LMX1A: variants seen among roughly 807,000 people sequenced by gnomAD.
LMX1A encodes LIM homeobox transcription factor 1 alpha, also known as LIM homeobox transcription factor 1-alpha.
A neutral mutation model predicts 49.1 loss-of-function variants in LMX1A; 15 were observed. The observed-to-expected ratio is 0.31, with a 90% confidence interval of 0.20 to 0.47. The LOEUF is 0.47. Ranked by LOEUF, LMX1A falls within the 20% of genes least tolerant of loss-of-function variation. The pLI, the probability that LMX1A is intolerant of heterozygous loss-of-function variation, is 1.00. For missense variants in LMX1A, 372 were observed against 475.8 expected, an observed-to-expected ratio of 0.78 and a Z score of 2.03; for synonymous variants, 167 against 185.7, an observed-to-expected ratio of 0.90 and a Z score of 0.82.
chr1:165,309,666 C>T (rs1414112173), intron 3 of LMX1A, among the ~76,000 whole-genome samples: 3 of 152,176 alleles, frequency 2.0e-5, no homozygotes, highest in African/African-American at 7.2e-5. Flanking sequence ...AAAAGCAATG[C>T]AAAAACCACT....
intron 4 of LMX1A, among the ~76,000 whole-genome samples, chr1:165,238,508 A>G (rs1652530655): frequency 6.6e-6 from 1 of 152,248 alleles, no homozygotes; most frequent in Non-Finnish European, 1.5e-5. Context: ...ATTGCCTTAG[A>G]AGAGGTACCC....
At chr1:165,324,876 T>G (rs1655522197) in intron 3 of LMX1A, among the ~76,000 whole-genome samples, 1 of 152,232 alleles carries the variant, frequency 6.6e-6, no homozygotes, top group South Asian at 2.1e-4. Flanking sequence ...TTAAGCCAGC[T>G]TTCTTCTTTG....
At chr1:165,333,010 A>AT in intron 3 of LMX1A, among the ~76,000 whole-genome samples, 1 of 152,300 alleles carries the variant, frequency 6.6e-6, no homozygotes, top group South Asian at 2.1e-4. Flanking sequence ...TTTAGAAACC[A>AT]TGCGGCATTG....
chr1:165,267,247 A>C (rs987606647), intron 3 of LMX1A, among the ~76,000 whole-genome samples: 8 of 152,200 alleles, frequency 5.3e-5, no homozygotes, highest in Admixed American at 5.2e-4. Flanking sequence ...ACATATAATC[A>C]TATAATATGT....
intron 3 of LMX1A, among the ~76,000 whole-genome samples, chr1:165,351,534 A>G (rs903329238): frequency 2.0e-5 from 3 of 152,360 alleles, no homozygotes; most frequent in African/African-American, 7.2e-5. Context: ...ATAGGTTGTC[A>G]TAGGGAGTTT....
chr1:165,232,279 G>T (rs1254406551), intron 4 of LMX1A, among the ~76,000 whole-genome samples: 1 of 152,184 alleles, frequency 6.6e-6, no homozygotes, highest in Non-Finnish European at 1.5e-5. Flanking sequence ...TACTGTGTCT[G>T]GGCTTGGAGA....
chr1:165,236,787 A>T (rs1037576068), intron 4 of LMX1A, among the ~76,000 whole-genome samples: 7 of 151,948 alleles, frequency 4.6e-5, no homozygotes, highest in African/African-American at 1.4e-4. Context: ...TAAAAAAAAA[A>T]AAAAAATCCC....
Position 165,343,726 on chromosome 1 carries a change from C to T in LMX1A, c.263+9350G>A, listed in dbSNP as rs190603829. 4.6e-5 allele frequency among the ~76,000 whole-genome samples: 7 copies of T among 152,062 alleles called. No individual in the cohort carries two copies. The East Asian group carries it at 1.4e-3, about 29-fold the overall frequency. Reference sequence around the variant, plus strand: ...GACAAAGCGTAAAGAAAATAAAGCCCATAAGAAAAAAAGTGGGTGCATAAT... The same window carrying T: ...GACAAAGCGTAAAGAAAATAAAGCCTATAAGAAAAAAAGTGGGTGCATAAT... On this transcript the variant is annotated intron_variant, in intron 3 of 8. Coordinates refer to ENST00000342310, the MANE Select transcript of LMX1A (RefSeq NM_177398.4).
At chr1:165,231,940 C>T (rs1571164433) in intron 4 of LMX1A, among the ~76,000 whole-genome samples, 1 of 152,326 alleles carries the variant, frequency 6.6e-6, no homozygotes, top group African/African-American at 2.4e-5. Flanking sequence ...ATTGAGAGCA[C>T]ACGGACTGAA....
chr1:165,270,843 A>T (rs1557869315), intron 3 of LMX1A, among the ~76,000 whole-genome samples: 1 of 152,202 alleles, frequency 6.6e-6, no homozygotes, highest in South Asian at 2.1e-4. Context: ...GACCACTGGG[A>T]TCCCGTATCC....
chr1:165,220,417 G>T (rs764341896), intron 4 of LMX1A, among the ~76,000 whole-genome samples: 19 of 152,202 alleles, frequency 1.2e-4, no homozygotes, highest in Non-Finnish European at 2.6e-4. Context: ...GGACAGGAAG[G>T]AAAGGAAGAA....
intron 3 of LMX1A, 53 bp downstream of exon 3, chr1:165,353,023 G>T: frequency 1.9e-6 from 3 of 1,568,590 alleles, no homozygotes; most frequent in South Asian, 1.1e-5. Flanking sequence ...CAAAGTCCTC[G>T]ACGCACACTG....
chr1:165,226,101 C>T (rs1652024997), intron 4 of LMX1A, among the ~76,000 whole-genome samples: 3 of 152,082 alleles, frequency 2.0e-5, no homozygotes, highest in Admixed American at 1.3e-4. Flanking sequence ...TATAACGTAA[C>T]CTAAGACGGG....
chr1:165,230,956 C>T (rs1217416051), intron 4 of LMX1A, among the ~76,000 whole-genome samples: 1 of 152,206 alleles, frequency 6.6e-6, no homozygotes, highest in Non-Finnish European at 1.5e-5. Context: ...TGATCATTAA[C>T]TCCATGCACT....
At position 165,222,747 on chromosome 1, in the gene LMX1A, C is replaced by T. The variant is rs1027573416; in HGVS notation, c.497-8934G>A. 4.6e-5 allele frequency among the ~76,000 whole-genome samples: 7 copies of T among 152,282 alleles called. No homozygotes were observed. The East Asian group carries it at 5.8e-4, about 13-fold the overall frequency. On this transcript the variant is annotated intron_variant, in intron 4 of 8. Coordinates refer to ENST00000342310, the MANE Select transcript of LMX1A (RefSeq NM_177398.4). ...CTGCTTGAGCCCTTGGCTGAGACAC[C>T]GTGGTTCCCGACCAGGCCTTCTGCT...
chr1:165,211,944 G>T (rs746466218), intron 5 of LMX1A, among the ~76,000 whole-genome samples: 1 of 152,108 alleles, frequency 6.6e-6, no homozygotes, highest in Non-Finnish European at 1.5e-5. Flanking sequence ...GAAGCTGCCC[G>T]GGGACAAGCA....
intron 3 of LMX1A, among the ~76,000 whole-genome samples, chr1:165,285,047 C>T (rs1380126538): frequency 4.6e-5 from 7 of 152,232 alleles, no homozygotes; most frequent in Admixed American, 2.0e-4. Context: ...TCAATTTATA[C>T]CTTAGCCACA....
At chr1:165,205,245 C>A (rs1049831160) in intron 8 of LMX1A, among the ~76,000 whole-genome samples, 2 of 152,174 alleles carry the variant, frequency 1.3e-5, no homozygotes, top group African/African-American at 4.8e-5. Context: ...CACCCAGCCC[C>A]CTACTCTGGG....
At chr1:165,233,229 T>A (rs1652299969) in intron 4 of LMX1A, among the ~76,000 whole-genome samples, 1 of 151,956 alleles carries the variant, frequency 6.6e-6, no homozygotes, top group Non-Finnish European at 1.5e-5. Context: ...CTAAGGTGAG[T>A]GGATTCCTTG....
Sources: gnomAD v4.1 joint callset for allele counts (sites outside exome capture counted in the v4.1 genomes callset) on GRCh38, gnomAD v4.1.1 for gene constraint, MANE v1.5 for transcripts, NCBI Gene and HGNC (gene_info 2026-07-23, HGNC 2026-07-21) for gene names.